KIAA1549L: variants seen among roughly 807,000 people sequenced by gnomAD.
KIAA1549L encodes the protein UPF0606 protein KIAA1549L.
KIAA1549L carries 88 observed loss-of-function variants against 160.7 expected under a neutral mutation model. The observed-to-expected ratio is 0.55, with a 90% CI of 0.46 to 0.65. The LOEUF is 0.65. Ranked by LOEUF, KIAA1549L falls within the 30% of genes least tolerant of loss-of-function variation. KIAA1549L has a pLI of 0.00. For missense variants in KIAA1549L, 2,258 were observed against 2,437.5 expected (o/e 0.93, Z 1.55); for synonymous variants, 950 against 976.7 (o/e 0.97, Z 0.51).
chr11:33,440,387 C>G (rs1851477028), intron 1 of KIAA1549L, among the ~76,000 whole-genome samples: 1 of 151,984 alleles, frequency 6.6e-6, no homozygotes, highest in African/African-American at 2.4e-5. Context: ...GCCTCGGCCT[C>G]CCAAAGTGCT....
chr11:33,459,917 C>T (rs900866757), intron 1 of KIAA1549L, among the ~76,000 whole-genome samples: 20 of 137,218 alleles, frequency 1.5e-4, no homozygotes, highest in African/African-American at 4.1e-4. Flanking sequence ...GCCGAGATCC[C>T]GCCACTGCAC....
At chr11:33,665,207 CAT>C (rs909750454) in intron 20 of KIAA1549L, 1 of 152,230 alleles carries the variant, frequency 6.6e-6, no homozygotes, top group African/African-American at 2.4e-5. Context: ...TATGCAGACA[CAT>C]GAAAGGTGAA....
chr11:33,602,678 A>C (rs1232635907), intron 13 of KIAA1549L, among the ~76,000 whole-genome samples: 1 of 152,238 alleles, frequency 6.6e-6, no homozygotes, highest in Non-Finnish European at 1.5e-5. Context: ...TTGCAGTTTC[A>C]CTGTGGCCCC....
chr11:33,591,201 T>A (rs1850040947), intron 11 of KIAA1549L, 36 bp from the exon 12 acceptor site: 2 of 1,531,114 alleles, frequency 1.3e-6, no homozygotes, highest in Non-Finnish European at 1.8e-6. Flanking sequence ...CACACTTCGC[T>A]AGAAATACGA....
intron 10 of KIAA1549L, among the ~76,000 whole-genome samples, chr11:33,575,391 C>T (rs1315882113): frequency 6.6e-6 from 1 of 152,132 alleles, no homozygotes; most frequent in Non-Finnish European, 1.5e-5. Flanking sequence ...GAAGGGGCAT[C>T]TGGAAAGAGT....
In KIAA1549L at chr11:33,542,465, C is replaced by G; in HGVS notation, c.902C>G (p.Thr301Ser). The G allele has an allele frequency of 6.2e-7, 1 of 1,611,870 alleles. No individual in the cohort carries two copies. The highest frequency in any genetic ancestry group is 1.7e-5 in the Admixed American group (1 of 59,938). The change falls in exon 2 of 21, where the codon ACT (threonine) becomes AGT (serine). Residue 301 changes from threonine (T) to serine (S), a missense_variant. Thr to Ser is a moderately conservative substitution (Grantham distance 58). This residue lies in a region of KIAA1549L where 540 missense variants were observed against 465.7 expected (regional missense o/e 1.16). Transcript: ENST00000658780. The part of the protein sequence containing the change: ...LIPFSDEMDH[T>S]ASQNAQDLIG... The stretch of plus-strand genomic sequence containing the variant: ...CCATTTTCTGATGAAATGGACCACA[C>G]TGCATCCCAAAATGCCCAGGATCTC...
At chr11:33,558,673 G>C (rs1261138666) in intron 6 of KIAA1549L, among the ~76,000 whole-genome samples, 1 of 152,132 alleles carries the variant, frequency 6.6e-6, no homozygotes, top group African/African-American at 2.4e-5. Context: ...GACCCAGAAA[G>C]CTTCATTTTC....
intron 1 of KIAA1549L, among the ~76,000 whole-genome samples, chr11:33,461,699 G>C (rs917816574): frequency 6.6e-6 from 1 of 152,202 alleles, no homozygotes; most frequent in African/African-American, 2.4e-5. Context: ...AACATTTACA[G>C]AGTGCTCACC....
intron 10 of KIAA1549L, among the ~76,000 whole-genome samples, chr11:33,583,050 TC>T (rs1315812382): frequency 2.6e-5 from 4 of 152,176 alleles, no homozygotes; most frequent in Admixed American, 6.5e-5. Flanking sequence ...CCTCTTCCTC[TC>T]AGTAGTAGTG....
At chr11:33,500,842 TTATAAA>T (rs1473217539) in intron 1 of KIAA1549L, among the ~76,000 whole-genome samples, 5 of 152,134 alleles carry the variant, frequency 3.3e-5, no homozygotes, top group African/African-American at 1.2e-4. Flanking sequence ...CATTAGTTTA[TTATAAA>T]TATAATATAT....
chr11:33,593,942 A>C (rs1850132963), intron 12 of KIAA1549L, among the ~76,000 whole-genome samples: 1 of 152,154 alleles, frequency 6.6e-6, no homozygotes. Flanking sequence ...AAAAGAAAAG[A>C]TCCAAGAACT....
chr11:33,611,306 G>C (rs572867145), intron 15 of KIAA1549L, among the ~76,000 whole-genome samples: 37 of 63,576 alleles, frequency 5.8e-4, no homozygotes, highest in African/African-American at 1.4e-3. Context: ...CCACAGACTG[G>C]GGAGCCATAG....
chr11:33,595,025 T>C (rs1850161460), intron 12 of KIAA1549L, among the ~76,000 whole-genome samples: 1 of 152,250 alleles, frequency 6.6e-6, no homozygotes, highest in Non-Finnish European at 1.5e-5. Flanking sequence ...AAATTATTTT[T>C]CACCCATTCT....
In KIAA1549L at chr11:33,559,914, G is replaced by A; in HGVS notation, c.4018+3G>A. The stretch of plus-strand genomic sequence containing the variant: ...TCCGCCGCTAACCATTGCTGAACGT[G>A]AGTATGGCCATGCCTATGGGGACCC... On this transcript the variant is annotated splice_donor_region_variant and intron_variant, in intron 7 of 20. Coordinates refer to ENST00000658780, the MANE Select transcript of KIAA1549L (RefSeq NM_012194.3). 2 of 1,613,642 alleles carry A rather than the reference G, an allele frequency of 1.2e-6. No homozygotes were observed. Among genetic ancestry groups the A allele is most frequent in the African/African-American group, 2.7e-5 (2 of 75,050 alleles).
chr11:33,388,579 A>G (rs933382276), intron 1 of KIAA1549L, among the ~76,000 whole-genome samples: 5 of 152,160 alleles, frequency 3.3e-5, no homozygotes, highest in African/African-American at 1.2e-4. Context: ...TTTAAGATAT[A>G]AAAGGTATAA....
chr11:33,485,685 T>C (rs1852509202), intron 1 of KIAA1549L, among the ~76,000 whole-genome samples: 1 of 152,210 alleles, frequency 6.6e-6, no homozygotes, highest in Non-Finnish European at 1.5e-5. Context: ...GTACAATACT[T>C]TGTTGTTAAC....
chr11:33,543,391 C>T lies in KIAA1549L; in HGVS notation c.1828C>T (p.Pro610Ser), dbSNP rs1854104336. 1.9e-6 allele frequency: 3 copies of T among 1,613,900 alleles called. No homozygotes were observed. Among genetic ancestry groups the T allele is most frequent in the African/African-American group, 1.3e-5 (1 of 74,944 alleles). ...SDFSTGSVSS[P>S]IITAPRTNPL... ...TTTCAGCACCGGTAGTGTCTCATCT[C>T]CCATCATTACAGCACCAAGGACGAA... Residue 610 changes from proline (P) to serine (S), a missense_variant, in exon 2 of 21, where the codon CCC becomes TCC. Physicochemically the swap from Pro to Ser is moderately conservative, Grantham distance 74 (BLOSUM62 -1). This residue lies in a region of KIAA1549L where 540 missense variants were observed against 465.7 expected (regional missense o/e 1.16). Coordinates refer to ENST00000658780, the MANE Select transcript of KIAA1549L (RefSeq NM_012194.3).
intron 17 of KIAA1549L, among the ~76,000 whole-genome samples, chr11:33,652,675 G>A (rs1306556887): frequency 1.3e-5 from 2 of 152,240 alleles, no homozygotes; most frequent in Non-Finnish European, 2.9e-5. Context: ...AGAGAGAAGA[G>A]GGGCTGTAAA....
rs375305611 is a variant in KIAA1549L, at chr11:33,610,160, T to TA, written c.5279+205dup. 8.6e-3 allele frequency among the ~76,000 whole-genome samples: 1,267 copies of TA among 146,816 alleles called. 24 individuals are homozygous for TA. The highest frequency in any genetic ancestry group is 0.028 in the African/African-American group (1,129 of 40,338). On this transcript the variant is annotated intron_variant, in intron 15 of 20. Coordinates refer to ENST00000658780, the MANE Select transcript of KIAA1549L (RefSeq NM_012194.3). Reference sequence around the variant, plus strand: ...TGAAAGAGAGTAACATTAAAGCCATTAAAAAAAAAAATACTTGGGCAAACA... The same window carrying TA: ...TGAAAGAGAGTAACATTAAAGCCATTAAAAAAAAAAAATACTTGGGCAAACA...
Sources: gnomAD v4.1 joint callset for allele counts (sites outside exome capture counted in the v4.1 genomes callset) on GRCh38, gnomAD v4.1.1 for gene constraint, gnomAD v4.1.1 regional missense constraint, MANE v1.5 for transcripts, NCBI Gene and HGNC (gene_info 2026-07-23, HGNC 2026-07-21) for gene names.